NTM: variants seen among roughly 807,000 people sequenced by gnomAD.
The protein encoded by NTM is neurotrimin.
A neutral mutation model predicts 42.1 loss-of-function variants in NTM; 13 were observed. The ratio of observed to expected loss-of-function variants is 0.31; its 90% CI spans 0.20 to 0.49. NTM has a LOEUF of 0.49. NTM is among the 20% of genes least tolerant of loss of function. The pLI, the probability that NTM is intolerant of heterozygous loss-of-function variation, is 0.99. For missense variants in NTM, 373 were observed against 452.8 expected (o/e 0.82, Z 1.60); for synonymous variants, 187 against 179.2 (o/e 1.04, Z -0.35).
chr11:132,149,753 A>T (rs962113853), intron 3 of NTM, among the ~76,000 whole-genome samples: 6 of 152,054 alleles, frequency 3.9e-5, no homozygotes, highest in African/African-American at 1.2e-4. Flanking sequence ...CTGGGGGAGG[A>T]GGGTGACCCT....
intron 4 of NTM, among the ~76,000 whole-genome samples, chr11:132,302,551 A>T (rs1201950666): frequency 6.6e-6 from 1 of 152,044 alleles, no homozygotes; most frequent in Non-Finnish European, 1.5e-5. Flanking sequence ...ATTGAATTCA[A>T]CGTGTTGTTC....
chr11:131,748,773 G>T (rs1216283947), intron 1 of NTM, among the ~76,000 whole-genome samples: 1 of 152,100 alleles, frequency 6.6e-6, no homozygotes, highest in South Asian at 2.1e-4. Context: ...AGATGGGAGG[G>T]GACTGCCTGG....
intron 1 of NTM, among the ~76,000 whole-genome samples, chr11:131,896,658 C>A (rs1282315615): frequency 6.7e-6 from 1 of 149,960 alleles, no homozygotes; most frequent in African/African-American, 2.5e-5. Context: ...TGTTTACATG[C>A]CAAATGGAGT....
chr11:132,236,675 C>A (rs2088988661), intron 4 of NTM, among the ~76,000 whole-genome samples: 1 of 152,196 alleles, frequency 6.6e-6, no homozygotes, highest in African/African-American at 2.4e-5. Flanking sequence ...GAAACCATAG[C>A]ACTGCTGTAG....
intron 4 of NTM, among the ~76,000 whole-genome samples, chr11:132,290,800 C>A (rs1478370711): frequency 6.6e-6 from 1 of 152,062 alleles, no homozygotes; most frequent in Non-Finnish European, 1.5e-5. Flanking sequence ...GGTGCTATCC[C>A]AGGGGATGTG....
At chr11:131,850,964 C>T (rs1044880980) in intron 1 of NTM, among the ~76,000 whole-genome samples, 2 of 152,082 alleles carry the variant, frequency 1.3e-5, no homozygotes, top group Admixed American at 6.6e-5. Context: ...TATCTTGTCT[C>T]GTCTTTGCAG....
intron 1 of NTM, among the ~76,000 whole-genome samples, chr11:131,525,473 G>A (rs555672783): frequency 6.6e-6 from 1 of 152,282 alleles, no homozygotes; most frequent in South Asian, 2.1e-4. Flanking sequence ...TTCTGTGCAG[G>A]GGCCACACCA....
rs1318481827 is a variant in NTM, at chr11:131,533,419, A to T, written c.82+162531A>T. 2.0e-5 allele frequency among the ~76,000 whole-genome samples: 3 copies of T among 152,202 alleles called. No homozygotes were observed. In the East Asian group the frequency reaches 5.8e-4, roughly 29 times the overall value. Reference sequence around the variant, plus strand: ...TGCCTTTCTCTGTGTCTGTTACACCAGCCCAGGAGAGAATGGGGTAGACGT... The same window carrying T: ...TGCCTTTCTCTGTGTCTGTTACACCTGCCCAGGAGAGAATGGGGTAGACGT... On this transcript the variant is annotated intron_variant, in intron 1 of 8. Coordinates refer to ENST00000683400, the MANE Select transcript of NTM (RefSeq NM_001352005.2).
chr11:131,727,777 G>A (rs748977498), intron 1 of NTM, among the ~76,000 whole-genome samples: 35 of 152,132 alleles, frequency 2.3e-4, no homozygotes, highest in Non-Finnish European at 8.8e-5. Flanking sequence ...CTGTCATACA[G>A]CTCATTATGC....
At chr11:131,994,849 C>T (rs2067696992) in intron 2 of NTM, among the ~76,000 whole-genome samples, 1 of 152,170 alleles carries the variant, frequency 6.6e-6, no homozygotes, top group Non-Finnish European at 1.5e-5. Flanking sequence ...CTGTATCCAA[C>T]TTCATATTCT....
chr11:132,238,308 G>A (rs148887534), intron 4 of NTM, among the ~76,000 whole-genome samples: 8 of 152,250 alleles, frequency 5.3e-5, no homozygotes, highest in Non-Finnish European at 1.0e-4. Context: ...GGGACCAAGG[G>A]AGGCAGGAGA....
intron 2 of NTM, among the ~76,000 whole-genome samples, chr11:132,127,613 T>C (rs999737380): frequency 5.9e-5 from 9 of 152,244 alleles, no homozygotes; most frequent in African/African-American, 1.7e-4. Context: ...TGTGGCTTGC[T>C]GCCTCGGATG....
intron 1 of NTM, among the ~76,000 whole-genome samples, chr11:131,890,363 A>T (rs1466614470): frequency 6.6e-6 from 1 of 152,132 alleles, no homozygotes; most frequent in Non-Finnish European, 1.5e-5. Context: ...TCTGCTCATG[A>T]CTGCAATTAA....
chr11:131,956,422 A>C (rs901955671), intron 2 of NTM, among the ~76,000 whole-genome samples: 1 of 152,162 alleles, frequency 6.6e-6, no homozygotes, highest in Non-Finnish European at 1.5e-5. Flanking sequence ...TATTCTCAGT[A>C]GAGGTGATTT....
chr11:132,201,086 A>G (rs1257012535), intron 3 of NTM, among the ~76,000 whole-genome samples: 1 of 152,170 alleles, frequency 6.6e-6, no homozygotes, highest in African/African-American at 2.4e-5. Context: ...TTTGCAGACA[A>G]ATGACCCCTA....
At chr11:131,602,220 C>G (rs1436853407) in intron 1 of NTM, among the ~76,000 whole-genome samples, 1 of 152,120 alleles carries the variant, frequency 6.6e-6, no homozygotes, top group Non-Finnish European at 1.5e-5. Context: ...TGCCAAAATT[C>G]CCTGAATGGC....
At chr11:131,752,835 G>A (rs2082742859) in intron 1 of NTM, among the ~76,000 whole-genome samples, 1 of 152,130 alleles carries the variant, frequency 6.6e-6, no homozygotes, top group African/African-American at 2.4e-5. Context: ...CATGAGCAAG[G>A]ACTTCATGTC....
chr11:131,390,374 A>G (rs1461170710), intron 1 of NTM, among the ~76,000 whole-genome samples: 1 of 152,188 alleles, frequency 6.6e-6, no homozygotes, highest in Non-Finnish European at 1.5e-5. Context: ...TCACGTTTCA[A>G]TATGAGATTT....
intron 1 of NTM, among the ~76,000 whole-genome samples, chr11:131,439,279 A>T (rs893686914): frequency 2.0e-5 from 3 of 152,046 alleles, no homozygotes; most frequent in African/African-American, 7.2e-5. Context: ...TCACTTGGGG[A>T]GGCAGTCTGT....
Sources: allele counts gnomAD v4.1 joint callset (sites outside exome capture counted in the v4.1 genomes callset), GRCh38; gene constraint gnomAD v4.1.1; transcripts MANE v1.5; gene names NCBI Gene and HGNC (gene_info 2026-07-23, HGNC 2026-07-21).